The following VPS13C variants were observed in gnomAD, a reference collection of about 807,000 sequenced individuals.
VPS13C encodes vacuolar protein sorting 13 homolog C.
A neutral mutation model predicts 456.8 loss-of-function variants in VPS13C; 358 were observed. The ratio of observed to expected loss-of-function variants is 0.78; its 90% confidence interval spans 0.72 to 0.86. The LOEUF is 0.86. Among genes scored for constraint, VPS13C ranks in the 40% least tolerant of loss-of-function variants. VPS13C has a pLI of 0.00. For synonymous variants in VPS13C, 1,578 were observed against 1,486.7 expected (o/e 1.06, Z -1.41); for missense variants, 4,818 against 4,385.4 (o/e 1.10, Z -2.79).
Position 61,920,526 on chromosome 15 carries a change from C to A in VPS13C, c.7184G>T (p.Cys2395Phe). The part of the protein sequence containing the change: ...NTMNITISKS[C>F]LNVFNNLAKG... The stretch of plus-strand genomic sequence containing the variant: ...TGCTAAATTGTTGAAAACATTAAGA[C>A]AACTTTTGGATATTGTTATATTCAT... Residue 2395 changes from cysteine to phenylalanine, a missense_variant, in exon 56 of 85, where the codon TGT (cysteine) becomes TTT (phenylalanine). Transcript: ENST00000644861. 6.5e-7 allele frequency: 1 copy of A among 1,546,872 alleles called. No individual in the cohort carries two copies.
intron 15 of VPS13C, 77 bp from the exon 16 acceptor site, chr15:62,000,703 G>C: frequency 8.4e-7 from 1 of 1,192,506 alleles, no homozygotes. Flanking sequence ...TGATTTCTAG[G>C]CATATCTAGT....
intron 45 of VPS13C, among the ~76,000 whole-genome samples, 160 bp from the exon 46 acceptor site, chr15:61,942,227 T>G (rs2044452594): frequency 6.6e-6 from 1 of 151,982 alleles, no homozygotes; most frequent in Non-Finnish European, 1.5e-5. Flanking sequence ...ACATACACTC[T>G]GAGCTATTAA....
intron 30 of VPS13C, 55 bp downstream of exon 30, chr15:61,966,028 C>T: frequency 1.4e-6 from 2 of 1,384,404 alleles, no homozygotes; most frequent in African/African-American, 2.9e-5. Context: ...ATACTAGAGG[C>T]TTTGAGACTA....
chr15:61,921,676 C>T (rs112324556), intron 55 of VPS13C, among the ~76,000 whole-genome samples: 5 of 152,156 alleles, frequency 3.3e-5, no homozygotes, highest in African/African-American at 1.2e-4. Context: ...CTCTTTACTG[C>T]CTGCCTTAAG....
At position 61,942,039 on chromosome 15, in the gene VPS13C, T is replaced by G; in HGVS notation, c.5177A>C (p.Lys1726Thr). 1 of 1,593,306 alleles carries G rather than the reference T, an allele frequency of 6.3e-7. No individual in the cohort carries two copies. Among genetic ancestry groups the G allele is most frequent in the South Asian group, 1.1e-5 (1 of 87,598 alleles). ...LNFLNNFQTA[K>T]EALSTATVQA... The stretch of plus-strand genomic sequence containing the variant: ...GACTGTGGCTGTACTCAAAGCTTCT[T>G]TAGCAGTTTGGAAATTGTTGAGGAA... Residue 1726 changes from lysine to threonine, a missense_variant, in exon 46 of 85, where the codon AAA (lysine) becomes ACA (threonine). Lys to Thr is a moderately conservative substitution (Grantham distance 78). Coordinates refer to ENST00000644861, the MANE Select transcript of VPS13C (RefSeq NM_020821.3).
intron 78 of VPS13C, 82 bp from the exon 79 acceptor site, chr15:61,872,116 A>T: frequency 9.0e-7 from 1 of 1,113,740 alleles, no homozygotes; most frequent in Non-Finnish European, 1.3e-6. Context: ...CTCTACAGAC[A>T]TACTGGAAAT....
At chr15:61,908,873 C>G in intron 65 of VPS13C, 119 bp downstream of exon 65, 1 of 1,175,136 alleles carries the variant, frequency 8.5e-7, no homozygotes, top group Non-Finnish European at 1.2e-6. Flanking sequence ...AGATAAATAC[C>G]ATGTGTTCCA....
chr15:62,003,860 G>C (rs1327642201), intron 15 of VPS13C, among the ~76,000 whole-genome samples: 2 of 151,734 alleles, frequency 1.3e-5, no homozygotes, highest in Non-Finnish European at 3.0e-5. Context: ...TTGCATCCCA[G>C]GGATGAAGCC....
chr15:61,869,955 A>G (rs903536896), intron 79 of VPS13C, among the ~76,000 whole-genome samples: 2 of 152,186 alleles, frequency 1.3e-5, no homozygotes, highest in African/African-American at 4.8e-5. Flanking sequence ...CAGTACCTGC[A>G]ACTTGCAGGT....
At chr15:61,962,285 C>G in intron 34 of VPS13C, 86 bp downstream of exon 34, 1 of 1,273,290 alleles carries the variant, frequency 7.9e-7, no homozygotes, top group Non-Finnish European at 1.1e-6. Flanking sequence ...CTCTAAAATC[C>G]AAGGTTTATA....
chr15:61,878,124 G>C (rs764829987), intron 74 of VPS13C, among the ~76,000 whole-genome samples: 23 of 151,508 alleles, frequency 1.5e-4, no homozygotes, highest in Non-Finnish European at 3.4e-4. Context: ...TTTCAGTTTA[G>C]GTTTTATATT....
Position 62,008,723 on chromosome 15 carries a change from A to G in VPS13C, c.1050T>C (p.Tyr350=), listed in dbSNP as rs2046939681. 6.2e-7 allele frequency: 1 copy of G among 1,606,912 alleles called. No individual in the cohort carries two copies. The highest frequency in any genetic ancestry group is 1.3e-5 in the African/African-American group (1 of 74,880). ...TCCTATAAGGCGCATTCCTAACCAT[A>G]TAATCCACTGACTCCAAAAGGTCAA... ...SMIDLLESVD[Y]MVRNAPYRKY... is the part of the protein sequence containing the mutation. Residue 350 remains tyrosine, a synonymous_variant, in exon 14 of 85, where the codon TAT becomes TAC. Transcript: ENST00000644861.
At chr15:61,967,156 T>G (rs2045401840) in intron 29 of VPS13C, among the ~76,000 whole-genome samples, 1 of 151,944 alleles carries the variant, frequency 6.6e-6, no homozygotes, top group South Asian at 2.1e-4. Context: ...CTTCCATCTC[T>G]GGGAACAAGA....
At chr15:61,940,036 T>G (rs2044365951) in intron 47 of VPS13C, among the ~76,000 whole-genome samples, 1 of 152,172 alleles carries the variant, frequency 6.6e-6, no homozygotes, top group Non-Finnish European at 1.5e-5. Flanking sequence ...ATATACACAT[T>G]TGCCTATTAA....
At chr15:61,904,336 A>G (rs2043092894) in intron 66 of VPS13C, among the ~76,000 whole-genome samples, 1 of 151,930 alleles carries the variant, frequency 6.6e-6, no homozygotes, top group East Asian at 1.9e-4. Context: ...AAAAACGGGC[A>G]AAAGATCTGA....
chr15:61,965,263 T>C (rs2045343462), intron 30 of VPS13C, among the ~76,000 whole-genome samples: 1 of 151,908 alleles, frequency 6.6e-6, no homozygotes, highest in Non-Finnish European at 1.5e-5. Context: ...TGTCTAGAAA[T>C]GACTTCAAAG....
At chr15:61,912,353 T>G (rs1566994036) in intron 62 of VPS13C, among the ~76,000 whole-genome samples, 1 of 152,198 alleles carries the variant, frequency 6.6e-6, no homozygotes, top group Non-Finnish European at 1.5e-5. Flanking sequence ...AATAAAAATT[T>G]TGAAGTAGTA....
intron 66 of VPS13C, among the ~76,000 whole-genome samples, chr15:61,896,435 T>G (rs1193651099): frequency 6.6e-6 from 1 of 152,158 alleles, no homozygotes; most frequent in Non-Finnish European, 1.5e-5. Flanking sequence ...ATTGCCTCAC[T>G]CGGGAAGCGC....
At chr15:62,034,741 A>G (rs967560589) in intron 4 of VPS13C, among the ~76,000 whole-genome samples, 1 of 151,874 alleles carries the variant, frequency 6.6e-6, no homozygotes, top group Non-Finnish European at 1.5e-5. Context: ...TGAAAAAATG[A>G]ATTAAATTTT....
Sources: gnomAD v4.1 joint callset for allele counts (sites outside exome capture counted in the v4.1 genomes callset) on GRCh38, gnomAD v4.1.1 for gene constraint, MANE v1.5 for transcripts, NCBI Gene and HGNC (gene_info 2026-07-23, HGNC 2026-07-21) for gene names.